Variants in CATSPERT observed in about 807,000 individuals in gnomAD.
CATSPERT encodes cation channel sperm-associated targeting subunit tau.
chr2:201,571,665 C>T, the CATSPERT span, among the ~76,000 whole-genome samples: 1 of 152,104 alleles, frequency 6.6e-6, no homozygotes, highest in Non-Finnish European at 1.5e-5. Flanking sequence ...GCTACTCCTC[C>T]CTTCCCTCCT....
At chr2:201,544,064 T>C in the CATSPERT span, among the ~76,000 whole-genome samples, 1 of 152,188 alleles carries the variant, frequency 6.6e-6, no homozygotes, top group African/African-American at 2.4e-5. Flanking sequence ...TGTGTCCAAG[T>C]GTTCTCATTG....
At chr2:201,582,846 C>T in the CATSPERT span, among the ~76,000 whole-genome samples, 9 of 152,074 alleles carry the variant, frequency 5.9e-5, no homozygotes, top group Admixed American at 5.2e-4. Flanking sequence ...TGCCTTCCTG[C>T]AGTGTTTCTC....
chr2:201,615,359 TC>T, the CATSPERT span, among the ~76,000 whole-genome samples: 3 of 152,222 alleles, frequency 2.0e-5, no homozygotes, highest in Non-Finnish European at 2.9e-5. Flanking sequence ...AGACTGTCTC[TC>T]AGACCACAGC....
At chr2:201,603,151 T>C in the CATSPERT span, 1 of 1,426,934 alleles carries the variant, frequency 7.0e-7, no homozygotes, top group Admixed American at 1.9e-5. Flanking sequence ...TTGGAATGGT[T>C]TGTAATGCAG....
chr2:201,539,737 C>T, the CATSPERT span, among the ~76,000 whole-genome samples: 156 of 152,042 alleles, frequency 1.0e-3, no homozygotes, highest in Non-Finnish European at 2.0e-3. Context: ...TTCCCAGAGA[C>T]ACAACAATAT....
chr2:201,570,492 G>T, the CATSPERT span, among the ~76,000 whole-genome samples: 1 of 152,080 alleles, frequency 6.6e-6, no homozygotes, highest in South Asian at 2.1e-4. Context: ...TTTGCTATTT[G>T]CTCCCATGTT....
the CATSPERT span, among the ~76,000 whole-genome samples, chr2:201,547,828 T>C: frequency 5.3e-5 from 8 of 152,272 alleles, no homozygotes; most frequent in East Asian, 1.4e-3. Context: ...GAGAGGGATG[T>C]AACCTCAGAA....
chr2:201,537,523 A>G, the CATSPERT span: 10 of 1,357,604 alleles, frequency 7.4e-6, no homozygotes, highest in Non-Finnish European at 1.0e-5. Flanking sequence ...ACATAAAAAC[A>G]ATAAACACAT....
chr2:201,585,407 GA>G, the CATSPERT span, among the ~76,000 whole-genome samples: 61,071 of 122,786 alleles, frequency 0.5, 13,221 homozygotes, highest in Middle Eastern at 0.57. Flanking sequence ...TACAGAACAA[GA>G]AAAAAAAAAA....
At chr2:201,533,972 C>T in the CATSPERT span, among the ~76,000 whole-genome samples, 1 of 151,902 alleles carries the variant, frequency 6.6e-6, no homozygotes, top group Admixed American at 6.6e-5. Context: ...AGAAAGAGCA[C>T]AAGTAGAAGC....
chr2:201,581,631 G>A, the CATSPERT span, among the ~76,000 whole-genome samples: 9 of 117,458 alleles, frequency 7.7e-5, no homozygotes, highest in African/African-American at 9.9e-5. Context: ...TTTTCCAGAC[G>A]GAGTATTGCT....
the CATSPERT span, among the ~76,000 whole-genome samples, chr2:201,568,680 T>C: frequency 2.6e-5 from 4 of 152,316 alleles, no homozygotes; most frequent in Admixed American, 2.6e-4. Flanking sequence ...TCGCCATTCC[T>C]GTGTTTTTCA....
the CATSPERT span, among the ~76,000 whole-genome samples, chr2:201,615,855 T>C: frequency 6.6e-6 from 1 of 151,516 alleles, no homozygotes; most frequent in East Asian, 1.9e-4. Flanking sequence ...ATAGACACAG[T>C]AAAAAATGAT....
At chr2:201,521,453 A>AG in the CATSPERT span, among the ~76,000 whole-genome samples, 29 of 150,642 alleles carry the variant, frequency 1.9e-4, no homozygotes, top group African/African-American at 1.7e-4. Flanking sequence ...GAGAGAGAGA[A>AG]AGAGACACAC....
chr2:201,570,780 T>C, the CATSPERT span, among the ~76,000 whole-genome samples: 1 of 152,178 alleles, frequency 6.6e-6, no homozygotes, highest in Non-Finnish European at 1.5e-5. Flanking sequence ...ATAGAGTCTC[T>C]TATGGCTCCC....
At chr2:201,580,169 T>A in the CATSPERT span, among the ~76,000 whole-genome samples, 2 of 152,204 alleles carry the variant, frequency 1.3e-5, no homozygotes, top group Non-Finnish European at 2.9e-5. Context: ...TTGATGACGA[T>A]AAGTCATAGA....
the CATSPERT span, among the ~76,000 whole-genome samples, chr2:201,570,179 T>A: frequency 6.6e-6 from 1 of 152,094 alleles, no homozygotes; most frequent in Admixed American, 6.5e-5. Flanking sequence ...TCCAAAAAAA[T>A]AAATAAATAA....
chr2:201,517,894 CTAGT>C, the CATSPERT span, among the ~76,000 whole-genome samples: 1 of 152,334 alleles, frequency 6.6e-6, no homozygotes, highest in African/African-American at 2.4e-5. Flanking sequence ...CCTCTTGCTA[CTAGT>C]TACTCAAGGT....
the CATSPERT span, among the ~76,000 whole-genome samples, chr2:201,503,212 A>G: frequency 6.6e-6 from 1 of 152,114 alleles, no homozygotes; most frequent in African/African-American, 2.4e-5. Context: ...ATAATGAGTC[A>G]TATTTTATTG....
Sources: allele counts gnomAD v4.1 joint callset (sites outside exome capture counted in the v4.1 genomes callset), GRCh38; gene constraint gnomAD v4.1.1; transcripts MANE v1.5; gene names NCBI Gene and HGNC (gene_info 2026-07-23, HGNC 2026-07-21).